GPC6: variants seen among roughly 807,000 people sequenced by gnomAD.
The protein encoded by GPC6 is glypican 6, also known as glypican-6.
GPC6 carries 14 observed loss-of-function variants against 55.2 expected under a neutral mutation model. The observed-to-expected ratio is 0.25, with a 90% CI of 0.17 to 0.40. The LOEUF (loss-of-function observed/expected upper bound fraction) is 0.40. Ranked by LOEUF, GPC6 falls within the 10% of genes least tolerant of loss-of-function variation. The probability of loss-of-function intolerance (pLI) is 1.00; values close to 1 mark genes in which losing one functional copy is unlikely to be tolerated. For missense variants in GPC6, 641 were observed against 708.5 expected (o/e 0.90, Z 1.08); for synonymous variants, 278 against 259.6 (o/e 1.07, Z -0.68).
chr13:93,911,166 G>A (rs1260824042), intron 3 of GPC6, among the ~76,000 whole-genome samples: 2 of 152,206 alleles, frequency 1.3e-5, no homozygotes, highest in Non-Finnish European at 2.9e-5. Flanking sequence ...AGAGTTTAGA[G>A]AGGCATTCAC....
At position 94,012,418 on chromosome 13, in the gene GPC6, A is replaced by G. The variant is rs528708886; in HGVS notation, c.712-15311A>G. 1.1e-4 allele frequency among the ~76,000 whole-genome samples: 16 copies of G among 152,334 alleles called. 1 individual carries two copies. Among genetic ancestry groups the G allele is most frequent in the African/African-American group, 3.4e-4 (14 of 41,588 alleles). On this transcript the variant is annotated intron_variant, in intron 3 of 8. Coordinates refer to ENST00000377047, the MANE Select transcript of GPC6 (RefSeq NM_005708.5). ...GAATTAGAATCACTGATGTGAATCC[A>G]TATGTGTGCTAACAACTAGGTGGTC...
intron 2 of GPC6, among the ~76,000 whole-genome samples, chr13:93,707,774 T>C (rs972911000): frequency 6.6e-6 from 1 of 151,846 alleles, no homozygotes; most frequent in Admixed American, 6.6e-5. Context: ...AGGATTATAT[T>C]TTACTAAATG....
At chr13:94,075,590 A>G (rs1884884867) in intron 4 of GPC6, among the ~76,000 whole-genome samples, 1 of 152,222 alleles carries the variant, frequency 6.6e-6, no homozygotes, top group East Asian at 1.9e-4. Flanking sequence ...CTTTAAACCC[A>G]TTGAAGAACA....
chr13:94,236,720 T>C (rs1044484763), intron 4 of GPC6, among the ~76,000 whole-genome samples: 2 of 152,118 alleles, frequency 1.3e-5, no homozygotes, highest in African/African-American at 2.4e-5. Flanking sequence ...TACAAGTATT[T>C]CCTTTATTTT....
chr13:93,566,900 T>C (rs1307916624), intron 2 of GPC6, among the ~76,000 whole-genome samples: 4 of 152,188 alleles, frequency 2.6e-5, no homozygotes, highest in Admixed American at 1.3e-4. Context: ...GAACTCATTC[T>C]TTTTTACGGC....
chr13:93,483,783 G>T (rs781437929), intron 1 of GPC6, among the ~76,000 whole-genome samples: 2 of 152,094 alleles, frequency 1.3e-5, no homozygotes, highest in African/African-American at 4.8e-5. Flanking sequence ...GCTGCATTGT[G>T]CTATTAGCCC....
At chr13:94,159,460 C>G (rs1888078490) in intron 4 of GPC6, among the ~76,000 whole-genome samples, 1 of 152,072 alleles carries the variant, frequency 6.6e-6, no homozygotes, top group African/African-American at 2.4e-5. Flanking sequence ...GAATGAGAAC[C>G]AAGTGAAAGA....
intron 3 of GPC6, among the ~76,000 whole-genome samples, chr13:93,889,860 G>A (rs1050833074): frequency 1.3e-5 from 2 of 151,956 alleles, no homozygotes; most frequent in Admixed American, 6.6e-5. Context: ...ATCTAAGGGT[G>A]ATATGCAAAG....
intron 1 of GPC6, among the ~76,000 whole-genome samples, chr13:93,531,781 C>A (rs577095437): frequency 1.3e-5 from 2 of 152,092 alleles, no homozygotes; most frequent in African/African-American, 4.8e-5. Context: ...AATACATATA[C>A]GTTGTAAAAA....
At chr13:93,298,950 T>G (rs1024468809) in intron 1 of GPC6, among the ~76,000 whole-genome samples, 3 of 152,024 alleles carry the variant, frequency 2.0e-5, no homozygotes, top group African/African-American at 7.2e-5. Context: ...TAATAGTTAT[T>G]TTTGCACTTC....
At chr13:93,268,393 T>A (rs1335417885) in intron 1 of GPC6, among the ~76,000 whole-genome samples, 1 of 152,172 alleles carries the variant, frequency 6.6e-6, no homozygotes, top group Non-Finnish European at 1.5e-5. Context: ...ATAATCTCCA[T>A]TTAGAATATT....
rs1265099008 is a variant in GPC6 at position 93,399,442 on chromosome 13, G to A, written c.161-145821G>A. On this transcript the variant is annotated intron_variant, in intron 1 of 8. Coordinates refer to ENST00000377047, the MANE Select transcript of GPC6 (RefSeq NM_005708.5). ...CAAGTACTTCATAAATCCGCCTTGA[G>A]TGAAGGAAATCAATAAATGAATGTG... is the stretch of plus-strand genomic sequence containing the variant. Among the ~76,000 whole-genome samples the A allele has an allele frequency of 2.6e-5, 4 of 152,202 alleles. No homozygotes were observed. The East Asian group carries it at 7.7e-4, about 29-fold the overall frequency.
intron 2 of GPC6, among the ~76,000 whole-genome samples, chr13:93,721,943 T>C (rs1883469372): frequency 6.6e-6 from 1 of 151,826 alleles, no homozygotes; most frequent in Non-Finnish European, 1.5e-5. Context: ...TGCATTTGCT[T>C]TGAAAAATTC....
chr13:94,011,979 GGAA>G lies in GPC6; in HGVS notation c.712-15743_712-15741del, dbSNP rs538028678. ...CTATTCCATTAATATTGGAAAAGAG[GGAA>G]GAAGAACATTTTTTTCTTGATGCAG... On this transcript the variant is annotated intron_variant, in intron 3 of 8. Coordinates refer to ENST00000377047, the MANE Select transcript of GPC6 (RefSeq NM_005708.5). Among the ~76,000 whole-genome samples, 11 of 152,214 alleles carry G rather than the reference GGAA, an allele frequency of 7.2e-5. No homozygotes were observed. The South Asian group carries it at 1.2e-3, about 17-fold the overall frequency.
intron 2 of GPC6, among the ~76,000 whole-genome samples, chr13:93,623,696 G>T (rs1879065763): frequency 6.6e-6 from 1 of 152,074 alleles, no homozygotes; most frequent in African/African-American, 2.4e-5. Context: ...CTGACCTGGT[G>T]ATCCACCAGC....
chr13:93,447,119 AT>A, intron 1 of GPC6, among the ~76,000 whole-genome samples: 1 of 152,204 alleles, frequency 6.6e-6, no homozygotes, highest in Middle Eastern at 3.4e-3. Context: ...CTGCTTTGCT[AT>A]ATAAGGGGCC....
intron 3 of GPC6, among the ~76,000 whole-genome samples, chr13:93,961,910 A>G (rs1044144494): frequency 6.6e-6 from 1 of 152,144 alleles, no homozygotes; most frequent in Admixed American, 6.5e-5. Context: ...GAGCCGTCCT[A>G]GCCTCACCTA....
intron 2 of GPC6, among the ~76,000 whole-genome samples, chr13:93,727,175 CAG>C (rs1883673288): frequency 6.6e-6 from 1 of 152,044 alleles, no homozygotes; most frequent in Non-Finnish European, 1.5e-5. Context: ...TTACTGTAAT[CAG>C]AGAGATGTGT....
At chr13:94,390,554 G>A (rs1016510012) in intron 7 of GPC6, among the ~76,000 whole-genome samples, 1 of 152,112 alleles carries the variant, frequency 6.6e-6, no homozygotes, top group African/African-American at 2.4e-5. Flanking sequence ...GAGAGGGAAG[G>A]GGGTGGTGCC....
Sources: gnomAD v4.1 joint callset for allele counts (sites outside exome capture counted in the v4.1 genomes callset) on GRCh38, gnomAD v4.1.1 for gene constraint, MANE v1.5 for transcripts, NCBI Gene and HGNC (gene_info 2026-07-23, HGNC 2026-07-21) for gene names.